Variants in RASGRP3 observed in about 807,000 individuals in gnomAD.
RASGRP3 encodes the protein RAS guanyl releasing protein 3.
In RASGRP3, 54 loss-of-function variants were observed where a neutral mutation model predicts 82.7. That is an observed-to-expected ratio of 0.65 (90% CI 0.52 to 0.82). The LOEUF is 0.82. RASGRP3 is among the 40% of genes least tolerant of loss of function. The pLI, the probability that RASGRP3 is intolerant of heterozygous loss-of-function variation, is 0.00. For synonymous variants in RASGRP3, 309 were observed against 300.5 expected, an observed-to-expected ratio of 1.03 and a Z score of -0.29; for missense variants, 861 against 828.9, an observed-to-expected ratio of 1.04 and a Z score of -0.48.
intron 9 of RASGRP3, among the ~76,000 whole-genome samples, chr2:33,525,094 C>T (rs1431947358): frequency 7.5e-6 from 1 of 133,574 alleles, no homozygotes. Flanking sequence ...AAAAAAAAAA[C>T]CAAAAAAAAA....
intron 2 of RASGRP3, among the ~76,000 whole-genome samples, chr2:33,460,567 T>A (rs1342293067): frequency 6.6e-6 from 1 of 150,874 alleles, no homozygotes; most frequent in African/African-American, 2.4e-5. Context: ...CAGGCTGGAG[T>A]GCAATGGCGC....
chr2:33,506,899 C>G (rs1386021463), intron 1 of RASGRP3, among the ~76,000 whole-genome samples: 1 of 152,174 alleles, frequency 6.6e-6, no homozygotes, highest in East Asian at 1.9e-4. Flanking sequence ...TATATTCATA[C>G]TATCCCAGTA....
chr2:33,500,030 A>G (rs12329217), intron 1 of RASGRP3, among the ~76,000 whole-genome samples: 60,931 of 151,932 alleles, frequency 0.4, 13,136 homozygotes, highest in African/African-American at 0.57. Flanking sequence ...AGGGTGAGGA[A>G]GGAAGAGGAG....
intron 2 of RASGRP3, among the ~76,000 whole-genome samples, chr2:33,450,674 A>G (rs1665734597): frequency 6.6e-6 from 1 of 152,056 alleles, no homozygotes; most frequent in African/African-American, 2.4e-5. Flanking sequence ...TAATGCCACA[A>G]TGAACATGGA....
At chr2:33,467,912 T>G (rs1666794941) in intron 2 of RASGRP3, among the ~76,000 whole-genome samples, 1 of 152,208 alleles carries the variant, frequency 6.6e-6, no homozygotes, top group Non-Finnish European at 1.5e-5. Flanking sequence ...CTGTCAAATA[T>G]TGACCAGAAA....
intron 11 of RASGRP3, among the ~76,000 whole-genome samples, chr2:33,538,321 G>T (rs556737873): frequency 6.6e-6 from 1 of 152,126 alleles, no homozygotes; most frequent in East Asian, 1.9e-4. Flanking sequence ...TGGCCAACAT[G>T]GTGGAAACCC....
chr2:33,521,205 C>T (rs905764436), intron 6 of RASGRP3, among the ~76,000 whole-genome samples: 4 of 152,208 alleles, frequency 2.6e-5, no homozygotes, highest in Non-Finnish European at 5.9e-5. Flanking sequence ...CTCAGAACAA[C>T]AGCCTTATGG....
intron 17 of RASGRP3, among the ~76,000 whole-genome samples, chr2:33,561,460 G>C (rs1676645142): frequency 6.6e-6 from 1 of 152,084 alleles, no homozygotes; most frequent in African/African-American, 2.4e-5. Context: ...GCTCTTATAT[G>C]AAATGCATAT....
chr2:33,558,369 C>T (rs1367952935), intron 16 of RASGRP3, 33 bp downstream of exon 16: 25 of 1,611,824 alleles, frequency 1.6e-5, no homozygotes, highest in Non-Finnish European at 2.1e-5. Context: ...CTGCCATGGT[C>T]TCTTTCTGCT....
chr2:33,520,342 C>T (rs1671904136), intron 5 of RASGRP3, among the ~76,000 whole-genome samples: 1 of 152,182 alleles, frequency 6.6e-6, no homozygotes. Context: ...GAAAGAGAGG[C>T]TATGAGTGGG....
chr2:33,474,885 C>T (rs932287317), upstream of RASGRP3, among the ~76,000 whole-genome samples: 1 of 152,190 alleles, frequency 6.6e-6, no homozygotes, highest in African/African-American at 2.4e-5. Context: ...AGGCTGTTGT[C>T]GCTGTTGGGC....
At chr2:33,527,074 A>G in intron 9 of RASGRP3, 63 bp from the exon 10 acceptor site, 2 of 1,489,600 alleles carry the variant, frequency 1.3e-6, no homozygotes, top group Admixed American at 1.8e-5. Context: ...CACACATTGC[A>G]GGGCCCGGGG....
chr2:33,478,122 C>T (rs1667545161), intron 1 of RASGRP3, among the ~76,000 whole-genome samples: 1 of 152,148 alleles, frequency 6.6e-6, no homozygotes, highest in Non-Finnish European at 1.5e-5. Flanking sequence ...TTTCCCTCAG[C>T]ACAGTGGGTC....
In RASGRP3 at chr2:33,563,752, C is replaced by T. The variant is rs999201942; in HGVS notation, c.*1015C>T. 6.6e-6 allele frequency: 1 copy of T among 151,784 alleles called. No individual in the cohort carries two copies. Among genetic ancestry groups the T allele is most frequent in the Non-Finnish European group, 1.5e-5 (1 of 67,988 alleles). The allele number at this position is 151,784 out of a possible 1,614,324, so 9.4% of individuals were successfully genotyped here. ...GTTCCCTTCCTAAGAAACTGCCTTC[C>T]ACAATTAAAGAATACTCATAGAAAG... On this transcript the variant is annotated 3_prime_UTR_variant, in exon 18 of 18. Transcript: ENST00000403687.
intron 1 of RASGRP3, among the ~76,000 whole-genome samples, chr2:33,477,171 T>C (rs1667452475): frequency 6.6e-6 from 1 of 152,210 alleles, no homozygotes; most frequent in Non-Finnish European, 1.5e-5. Context: ...ATTTATTGTA[T>C]GGCTGATTTG....
At chr2:33,454,559 C>T (rs1318300058) in intron 2 of RASGRP3, among the ~76,000 whole-genome samples, 2 of 152,186 alleles carry the variant, frequency 1.3e-5, no homozygotes, top group Non-Finnish European at 2.9e-5. Flanking sequence ...GCTTAACACA[C>T]ACATTATCTA....
At chr2:33,534,182 C>T (rs757533599) in intron 10 of RASGRP3, 141 bp from the exon 11 acceptor site, 7 of 619,942 alleles carry the variant, frequency 1.1e-5, no homozygotes, top group Admixed American at 2.8e-5. Context: ...TCCATCTCTG[C>T]GTGCCGTCTT....
chr2:33,493,829 G>T (rs527894568), intron 1 of RASGRP3, among the ~76,000 whole-genome samples: 6 of 152,134 alleles, frequency 3.9e-5, no homozygotes, highest in Admixed American at 2.6e-4. Context: ...AAAAATAGGT[G>T]CCCTCAAAAT....
chr2:33,558,972 G>A lies in RASGRP3; in HGVS notation c.2006G>A (p.Arg669Gln), dbSNP rs768744751. Residue 669 changes from arginine (R) to glutamine (Q), a missense_variant, in exon 17 of 18, where the codon CGG (arginine) becomes CAG (glutamine). Physicochemically the swap from Arg to Gln is conservative, Grantham distance 43. Coordinates refer to ENST00000403687, the MANE Select transcript of RASGRP3 (RefSeq NM_001139488.2). ...RVHAGVDVVDRGTEFELDQDE... is the reference protein window; with the variant it reads ...RVHAGVDVVDQGTEFELDQDE... ...CATGCTGGTGTGGATGTTGTAGACCGGGGCACGGAGTTTGAACTTGACCAG... is the reference window on the plus strand; with the variant it reads ...CATGCTGGTGTGGATGTTGTAGACCAGGGCACGGAGTTTGAACTTGACCAG... The A allele has an allele frequency of 8.7e-6, 14 of 1,613,768 alleles. No individual in the cohort carries two copies. The highest frequency in any genetic ancestry group is 6.7e-5 in the Admixed American group (4 of 59,986).
Sources: gnomAD v4.1 joint callset for allele counts (sites outside exome capture counted in the v4.1 genomes callset) on GRCh38, gnomAD v4.1.1 for gene constraint, MANE v1.5 for transcripts, NCBI Gene and HGNC (gene_info 2026-07-23, HGNC 2026-07-21) for gene names.